NTM: variants seen among roughly 807,000 people sequenced by gnomAD.
NTM encodes the protein neurotrimin.
NTM carries 13 observed loss-of-function variants against 42.1 expected under a neutral mutation model. The observed-to-expected ratio is 0.31, with a 90% confidence interval of 0.20 to 0.49. NTM has a LOEUF of 0.49. NTM is among the 20% of genes least tolerant of loss of function. The probability of loss-of-function intolerance (pLI) is 0.99; values close to 1 mark genes in which losing one functional copy is unlikely to be tolerated. For missense variants in NTM, 373 were observed against 452.8 expected, an observed-to-expected ratio of 0.82 and a Z score of 1.60; for synonymous variants, 187 against 179.2, an observed-to-expected ratio of 1.04 and a Z score of -0.35.
intron 1 of NTM, among the ~76,000 whole-genome samples, chr11:131,867,953 TG>T (rs1288128589): frequency 6.6e-6 from 1 of 152,064 alleles, no homozygotes; most frequent in Non-Finnish European, 1.5e-5. Context: ...CCATGTTGAG[TG>T]GAAGAGCTAT....
intron 4 of NTM, among the ~76,000 whole-genome samples, chr11:132,239,571 C>T (rs2089779797): frequency 6.6e-6 from 1 of 152,178 alleles, no homozygotes; most frequent in Admixed American, 6.5e-5. Context: ...GAAAAAAAGT[C>T]TTTGTGATTT....
intron 1 of NTM, among the ~76,000 whole-genome samples, chr11:131,499,293 C>T (rs1037995927): frequency 6.6e-6 from 1 of 152,152 alleles, no homozygotes; most frequent in African/African-American, 2.4e-5. Flanking sequence ...CCTAGGTACT[C>T]ATTGGCTCAG....
At chr11:132,054,028 C>T (rs1403949532) in intron 2 of NTM, among the ~76,000 whole-genome samples, 3 of 152,186 alleles carry the variant, frequency 2.0e-5, no homozygotes, top group Non-Finnish European at 4.4e-5. Flanking sequence ...CCAGCCTGAT[C>T]AACGTGGTGA....
chr11:131,861,656 A>G (rs2136961474), intron 1 of NTM, among the ~76,000 whole-genome samples: 1 of 152,328 alleles, frequency 6.6e-6, no homozygotes, highest in Middle Eastern at 3.4e-3. Flanking sequence ...GGCTCATTAT[A>G]CAATTGGAAA....
intron 1 of NTM, among the ~76,000 whole-genome samples, chr11:131,864,999 C>T (rs1012555935): frequency 6.6e-6 from 1 of 152,340 alleles, no homozygotes; most frequent in Admixed American, 6.5e-5. Flanking sequence ...GTGGGTCTCC[C>T]ACCTCCAGCA....
At chr11:132,125,583 T>C (rs1476437527) in intron 2 of NTM, among the ~76,000 whole-genome samples, 1 of 141,148 alleles carries the variant, frequency 7.1e-6, no homozygotes, top group Non-Finnish European at 1.5e-5. Context: ...AATGTGTATG[T>C]GGTGTGTAGT....
At chr11:131,458,491 T>C (rs1392747060) in intron 1 of NTM, among the ~76,000 whole-genome samples, 1 of 152,170 alleles carries the variant, frequency 6.6e-6, no homozygotes, top group Non-Finnish European at 1.5e-5. Flanking sequence ...TCATCTGTTC[T>C]CATTTACCTT....
intron 1 of NTM, among the ~76,000 whole-genome samples, chr11:131,575,689 T>C (rs1026609003): frequency 1.3e-5 from 2 of 152,192 alleles, no homozygotes; most frequent in Admixed American, 1.3e-4. Context: ...AGAAAGTAGT[T>C]TAATGGTAGG....
intron 2 of NTM, among the ~76,000 whole-genome samples, chr11:132,076,383 A>AT (rs1221068581): frequency 6.6e-6 from 1 of 152,192 alleles, no homozygotes; most frequent in Non-Finnish European, 1.5e-5. Flanking sequence ...GCTGATCCCC[A>AT]TTGTGTTCCA....
At chr11:131,974,019 C>T (rs1422351655) in intron 2 of NTM, among the ~76,000 whole-genome samples, 2 of 152,156 alleles carry the variant, frequency 1.3e-5, no homozygotes, top group Non-Finnish European at 2.9e-5. Flanking sequence ...ACTTCCACTT[C>T]ATGAGTAGTA....
At chr11:131,599,354 G>A (rs991228254) in intron 1 of NTM, among the ~76,000 whole-genome samples, 14 of 151,834 alleles carry the variant, frequency 9.2e-5, no homozygotes, top group Admixed American at 2.6e-4. Context: ...CCCAGTCTCC[G>A]GCAGATGCCC....
chr11:131,662,544 A>G (rs2068265730), intron 1 of NTM: 1 of 152,200 alleles, frequency 6.6e-6, no homozygotes, highest in Non-Finnish European at 1.5e-5. Context: ...GAAACTGCCC[A>G]ACATGGTAAT....
At chr11:131,472,980 G>A (rs1265270643) in intron 1 of NTM, among the ~76,000 whole-genome samples, 2 of 152,120 alleles carry the variant, frequency 1.3e-5, no homozygotes, top group African/African-American at 2.4e-5. Flanking sequence ...ACATAGAATA[G>A]GTTTTGGTCT....
At chr11:131,471,814 A>G (rs776418699) in intron 1 of NTM, among the ~76,000 whole-genome samples, 1 of 152,188 alleles carries the variant, frequency 6.6e-6, no homozygotes, top group African/African-American at 2.4e-5. Context: ...CTGGGGTTGT[A>G]GGGATTTACT....
At chr11:132,207,950 T>C (rs1035312188) in intron 3 of NTM, among the ~76,000 whole-genome samples, 2 of 152,212 alleles carry the variant, frequency 1.3e-5, no homozygotes, top group Admixed American at 6.5e-5. Flanking sequence ...ATCTTGAGGC[T>C]GTGAACTCCT....
At chr11:131,692,698 A>T (rs560324897) in intron 1 of NTM, among the ~76,000 whole-genome samples, 1 of 152,340 alleles carries the variant, frequency 6.6e-6, no homozygotes, top group Admixed American at 6.5e-5. Context: ...CCCTAGCTTC[A>T]TAAAGGATGT....
chr11:132,223,114 G>T (rs1171723648), intron 4 of NTM, among the ~76,000 whole-genome samples: 3 of 152,192 alleles, frequency 2.0e-5, no homozygotes, highest in Non-Finnish European at 2.9e-5. Context: ...AAACCTTTTG[G>T]TAAAGCAATT....
intron 2 of NTM, among the ~76,000 whole-genome samples, chr11:132,088,899 C>T (rs749816351): frequency 4.6e-5 from 5 of 108,064 alleles, no homozygotes; most frequent in African/African-American, 2.2e-4. Context: ...AAAAATGGGT[C>T]CCCTTTAAAG....
At chr11:131,601,381 A>G (rs1323387616) in intron 1 of NTM, among the ~76,000 whole-genome samples, 2 of 152,244 alleles carry the variant, frequency 1.3e-5, no homozygotes, top group Admixed American at 6.5e-5. Flanking sequence ...CTGCATTTTA[A>G]TAATGAACAA....
Sources: allele counts gnomAD v4.1 joint callset (sites outside exome capture counted in the v4.1 genomes callset), GRCh38; gene constraint gnomAD v4.1.1; transcripts MANE v1.5; gene names NCBI Gene and HGNC (gene_info 2026-07-23, HGNC 2026-07-21).